ADGRL3: variants seen among roughly 807,000 people sequenced by gnomAD.
The protein encoded by ADGRL3 is calcium-independent alpha-latrotoxin receptor 3.
ADGRL3 carries 62 observed loss-of-function variants against 153.5 expected under a neutral mutation model. The observed-to-expected ratio is 0.40, with a 90% CI of 0.33 to 0.50. ADGRL3 has a LOEUF of 0.50. ADGRL3 is among the 20% of genes least tolerant of loss of function. The probability of loss-of-function intolerance (pLI) is 0.47; values close to 1 mark genes in which losing one functional copy is unlikely to be tolerated. For synonymous variants in ADGRL3, 710 were observed against 672.5 expected (o/e 1.06, Z -0.86); for missense variants, 1,641 against 1,859.4 (o/e 0.88, Z 2.16).
intron 6 of ADGRL3, among the ~76,000 whole-genome samples, chr4:61,680,546 A>C (rs993758998): frequency 6.6e-6 from 1 of 151,876 alleles, no homozygotes; most frequent in African/African-American, 2.4e-5. Context: ...AGCATATTAA[A>C]GGTAATATAG....
intron 2 of ADGRL3, among the ~76,000 whole-genome samples, chr4:61,398,122 C>T (rs1203098834): frequency 6.6e-6 from 1 of 151,678 alleles, no homozygotes; most frequent in Non-Finnish European, 1.5e-5. Context: ...AACAATGTCT[C>T]ACTGAAACTG....
In ADGRL3 at chr4:61,431,177, G is replaced by A. The variant is rs139164694; in HGVS notation, c.-174+47988G>A. On this transcript the variant is annotated intron_variant, in intron 2 of 26. Coordinates refer to ENST00000683033, the MANE Select transcript of ADGRL3 (RefSeq NM_001387552.1). ...GGGATGTAATCTCTTTATAGACTCC[G>A]TCTTTTTAATGGAAACAATCTATCC... 3.9e-3 allele frequency among the ~76,000 whole-genome samples: 598 copies of A among 152,228 alleles called. 3 individuals carry two copies. Among genetic ancestry groups the A allele is most frequent in the African/African-American group, 0.013 (544 of 41,542 alleles).
chr4:61,507,351 A>G (rs1391616506), intron 3 of ADGRL3, among the ~76,000 whole-genome samples: 1 of 152,174 alleles, frequency 6.6e-6, no homozygotes, highest in South Asian at 2.1e-4. Context: ...CAGATGTATT[A>G]GAGGTTACAG....
chr4:62,059,553 G>C (rs1234163013), intron 25 of ADGRL3, among the ~76,000 whole-genome samples: 3 of 152,068 alleles, frequency 2.0e-5, no homozygotes, highest in South Asian at 4.1e-4. Flanking sequence ...GGTAAGGAGG[G>C]ACATGCATTT....
chr4:61,463,343 A>G (rs931165463), intron 2 of ADGRL3, among the ~76,000 whole-genome samples: 2 of 152,184 alleles, frequency 1.3e-5, no homozygotes, highest in Non-Finnish European at 2.9e-5. Flanking sequence ...GGTCTCAGGA[A>G]ACTTAACAAT....
chr4:61,930,956 A>G (rs1422116116), intron 13 of ADGRL3, among the ~76,000 whole-genome samples: 2 of 152,168 alleles, frequency 1.3e-5, no homozygotes, highest in Non-Finnish European at 2.9e-5. Context: ...TAAAATATAC[A>G]ATACATAAAT....
intron 9 of ADGRL3, among the ~76,000 whole-genome samples, chr4:61,832,036 G>A (rs952733015): frequency 2.0e-5 from 3 of 152,126 alleles, no homozygotes; most frequent in Admixed American, 6.6e-5. Context: ...GCATTTGGCA[G>A]TGTAGAGGCC....
chr4:61,766,533 T>G (rs1490861614), intron 8 of ADGRL3, among the ~76,000 whole-genome samples: 8 of 151,812 alleles, frequency 5.3e-5, no homozygotes, highest in Non-Finnish European at 7.4e-5. Flanking sequence ...AGAAGGTGCT[T>G]GGGTTTGAGA....
intron 17 of ADGRL3, among the ~76,000 whole-genome samples, chr4:61,962,238 CA>C (rs200604832): frequency 1.3e-5 from 2 of 148,520 alleles, no homozygotes; most frequent in Admixed American, 6.7e-5. Flanking sequence ...GCCTCCATCT[CA>C]AAAAAAAAGA....
At chr4:61,939,434 A>C (rs368937037) in intron 15 of ADGRL3, among the ~76,000 whole-genome samples, 5 of 148,770 alleles carry the variant, frequency 3.4e-5, no homozygotes, top group East Asian at 2.0e-4. Flanking sequence ...CTTTCTTCTT[A>C]TTACTATTTC....
intron 1 of ADGRL3, among the ~76,000 whole-genome samples, chr4:61,284,626 A>G (rs2093858623): frequency 6.6e-6 from 1 of 151,930 alleles, no homozygotes; most frequent in Admixed American, 6.6e-5. Flanking sequence ...GTTTTTTATT[A>G]CTAAATACAT....
chr4:61,985,062 A>T (rs1458900933), intron 19 of ADGRL3, among the ~76,000 whole-genome samples: 1 of 152,128 alleles, frequency 6.6e-6, no homozygotes, highest in African/African-American at 2.4e-5. Context: ...GTAGAAAGAC[A>T]CAAGACTAAA....
chr4:61,604,919 A>G (rs1357805416), intron 5 of ADGRL3, among the ~76,000 whole-genome samples: 1 of 151,876 alleles, frequency 6.6e-6, no homozygotes, highest in Non-Finnish European at 1.5e-5. Flanking sequence ...GAGAAATCCC[A>G]TCTCTTCTAA....
chr4:61,741,124 G>T (rs1382071187), intron 8 of ADGRL3, among the ~76,000 whole-genome samples: 3 of 152,200 alleles, frequency 2.0e-5, no homozygotes. Flanking sequence ...TAATGTGAGT[G>T]CTGGGCAGAG....
At chr4:61,493,339 C>T (rs2098277180) in intron 2 of ADGRL3, among the ~76,000 whole-genome samples, 1 of 152,096 alleles carries the variant, frequency 6.6e-6, no homozygotes, top group Admixed American at 6.6e-5. Flanking sequence ...AAACAAATCC[C>T]TATGCCTAAA....
intron 9 of ADGRL3, among the ~76,000 whole-genome samples, chr4:61,862,691 G>A (rs1029407395): frequency 3.3e-5 from 5 of 152,062 alleles, no homozygotes; most frequent in African/African-American, 7.2e-5. Context: ...AGCATCCTCT[G>A]GGAACTTGTT....
At chr4:61,320,662 A>G (rs572256083) in intron 1 of ADGRL3, among the ~76,000 whole-genome samples, 1 of 152,320 alleles carries the variant, frequency 6.6e-6, no homozygotes, top group African/African-American at 2.4e-5. Context: ...CTGACTGTAA[A>G]TGTTATAACA....
intron 1 of ADGRL3, among the ~76,000 whole-genome samples, chr4:61,244,129 T>C (rs1277136936): frequency 1.3e-5 from 2 of 151,976 alleles, no homozygotes; most frequent in Non-Finnish European, 2.9e-5. Context: ...GTGTGAGACC[T>C]TTGGCTGTGA....
At position 61,925,853 on chromosome 4, in the gene ADGRL3, A is replaced by C. The variant is rs1038878880; in HGVS notation, c.2113-8987A>C. The stretch of plus-strand genomic sequence containing the variant: ...CTCATGAACTATATGTGAATATCAG[A>C]TATCTTATATAAGCTTCAGGCCATC... On this transcript the variant is annotated intron_variant, in intron 13 of 26. Transcript: ENST00000683033. Among the ~76,000 whole-genome samples the C allele has an allele frequency of 2.6e-5, 4 of 152,316 alleles. No individual in the cohort carries two copies. The East Asian group carries it at 7.7e-4, about 29-fold the overall frequency.
Sources: gnomAD v4.1 joint callset for allele counts (sites outside exome capture counted in the v4.1 genomes callset) on GRCh38, gnomAD v4.1.1 for gene constraint, MANE v1.5 for transcripts, NCBI Gene and HGNC (gene_info 2026-07-23, HGNC 2026-07-21) for gene names.